The following ELP4 variants were observed in gnomAD, a reference collection of about 807,000 sequenced individuals.
ELP4 encodes elongator acetyltransferase complex subunit 4.
A neutral mutation model predicts 48.9 loss-of-function variants in ELP4; 51 were observed. The observed-to-expected ratio is 1.04, with a 90% CI of 0.83 to 1.32. The LOEUF is 1.32. Ranked by LOEUF, ELP4 falls within the 40% of genes most tolerant of loss-of-function variation. The pLI, the probability that ELP4 is intolerant of heterozygous loss-of-function variation, is 0.00. For synonymous variants in ELP4, 210 were observed against 189.2 expected (o/e 1.11, Z -0.90); for missense variants, 519 against 514.6 (o/e 1.01, Z -0.08).
At chr11:31,690,796 CTTTT>C (rs10653769) in intron 9 of ELP4, among the ~76,000 whole-genome samples, 6 of 109,592 alleles carry the variant, frequency 5.5e-5, no homozygotes, top group East Asian at 2.6e-4. Context: ...GTTTTTTTTC[CTTTT>C]TTTTTTTTTT....
intron 5 of ELP4, among the ~76,000 whole-genome samples, chr11:31,616,581 A>G (rs1944489021): frequency 6.6e-6 from 1 of 152,238 alleles, no homozygotes; most frequent in African/African-American, 2.4e-5. Flanking sequence ...AAATAGGATG[A>G]CATCAAACTT....
chr11:31,614,827 AG>A (rs1958045691), intron 5 of ELP4, among the ~76,000 whole-genome samples: 1 of 152,212 alleles, frequency 6.6e-6, no homozygotes, highest in Admixed American at 6.5e-5. Context: ...AATCCTCAAA[AG>A]TGTCAAGATC....
intron 3 of ELP4, among the ~76,000 whole-genome samples, chr11:31,555,926 A>G (rs914640223): frequency 6.6e-6 from 1 of 151,864 alleles, no homozygotes; most frequent in African/African-American, 2.4e-5. Flanking sequence ...TAGGGGGAAA[A>G]TGCTGTAATT....
At chr11:31,587,486 C>G (rs181344650) in intron 3 of ELP4, among the ~76,000 whole-genome samples, 9 of 152,210 alleles carry the variant, frequency 5.9e-5, no homozygotes, top group South Asian at 2.1e-4. Context: ...TAAAAAGGAG[C>G]ATACTAATGC....
chr11:31,534,657 G>A (rs1956469825), intron 2 of ELP4, among the ~76,000 whole-genome samples: 1 of 152,098 alleles, frequency 6.6e-6, no homozygotes, highest in South Asian at 2.1e-4. Context: ...AGGAAATAGA[G>A]CAAACTTTAA....
chr11:31,577,490 A>G (rs1957306581), intron 3 of ELP4, among the ~76,000 whole-genome samples: 1 of 151,918 alleles, frequency 6.6e-6, no homozygotes, highest in East Asian at 1.9e-4. Context: ...AACAACAACA[A>G]AAAAAGATAA....
At position 31,788,330 on chromosome 11, in the gene ELP4, T is replaced by A. The variant is rs189545730; in HGVS notation, c.*4806T>A. The A allele has an allele frequency of 1.6e-4, 36 of 224,822 alleles. No individual in the cohort carries two copies. The East Asian group carries it at 2.3e-3, about 14-fold the overall frequency. 13.9% of individuals were successfully genotyped at this position (224,822 alleles called of 1,614,324 possible). A position where few individuals can be genotyped will look rare whatever the true frequency, so the allele number is the denominator to read the frequency against. On this transcript the variant is annotated 3_prime_UTR_variant, in exon 10 of 10. Transcript: ENST00000640961. ...TTGTCTGTTGATGTGTCTGTGCTCATTATTCCTTGACATGCAACATCCCCC... is the reference window on the plus strand; with the variant it reads ...TTGTCTGTTGATGTGTCTGTGCTCAATATTCCTTGACATGCAACATCCCCC...
At chr11:31,592,496 G>A (rs1380222007) in intron 3 of ELP4, among the ~76,000 whole-genome samples, 2 of 149,102 alleles carry the variant, frequency 1.3e-5, no homozygotes, top group African/African-American at 4.9e-5. Flanking sequence ...ATATATATGT[G>A]TGTATATATG....
In ELP4 at chr11:31,650,095, T is replaced by A. The variant is rs767885358; in HGVS notation, c.1037-20T>A. On this transcript the variant is annotated intron_variant, in intron 8 of 9. Coordinates refer to ENST00000640961, the MANE Select transcript of ELP4 (RefSeq NM_019040.5). ...TGACAATGTTTTAAATTTTTTTTCT[T>A]TTAATTTCTTTTCCACAAGGATTGA... is the stretch of plus-strand genomic sequence containing the variant. 4 of 1,059,676 alleles carry A rather than the reference T, an allele frequency of 3.8e-6. No homozygotes were observed. The highest frequency in any genetic ancestry group is 1.6e-5 in the African/African-American group (1 of 62,880). 65.6% of individuals were successfully genotyped at this position (1,059,676 alleles called of 1,614,324 possible).
rs1056295743 is a variant in ELP4, at chr11:31,550,825, T to C, written c.381+11042T>C. Among the ~76,000 whole-genome samples, 7 of 152,288 alleles carry C rather than the reference T, an allele frequency of 4.6e-5. No homozygotes were observed. In the East Asian group the frequency reaches 1.4e-3, roughly 29 times the overall value. ...AGTCATAATAAGCAGATGTTGTTCTTTGGCCCTCCAGAAGGTCAACAAACA... is the reference window on the plus strand; with the variant it reads ...AGTCATAATAAGCAGATGTTGTTCTCTGGCCCTCCAGAAGGTCAACAAACA... On this transcript the variant is annotated intron_variant, in intron 3 of 9. Coordinates refer to ENST00000640961, the MANE Select transcript of ELP4 (RefSeq NM_019040.5).
At position 31,571,975 on chromosome 11, in the gene ELP4, G is replaced by A. The variant is rs566212082; in HGVS notation, c.382-22795G>A. Among the ~76,000 whole-genome samples, 8 of 152,312 alleles carry A rather than the reference G, an allele frequency of 5.3e-5. No individual in the cohort carries two copies. In the South Asian group the frequency reaches 1.2e-3, roughly 24 times the overall value. On this transcript the variant is annotated intron_variant, in intron 3 of 9. Coordinates refer to ENST00000640961, the MANE Select transcript of ELP4 (RefSeq NM_019040.5). ...CCTAGGATTTTGGAATGATAAGTGAGTATTGGCTTCAACTTACAGTCATCA... is the reference window on the plus strand; with the variant it reads ...CCTAGGATTTTGGAATGATAAGTGAATATTGGCTTCAACTTACAGTCATCA...
At chr11:31,643,222 G>A (rs1238116105) in intron 7 of ELP4, among the ~76,000 whole-genome samples, 2 of 151,488 alleles carry the variant, frequency 1.3e-5, no homozygotes, top group African/African-American at 2.4e-5. Context: ...TAGTGCTTTC[G>A]GGCTATTATA....
intron 9 of ELP4, chr11:31,663,803 A>T (rs1028356560): frequency 6.6e-6 from 1 of 152,040 alleles, no homozygotes; most frequent in East Asian, 1.9e-4. Flanking sequence ...AAGCTATAGG[A>T]TGCTGTAGTT....
intron 3 of ELP4, among the ~76,000 whole-genome samples, chr11:31,563,999 GC>G (rs1036470480): frequency 3.3e-5 from 5 of 152,074 alleles, no homozygotes; most frequent in African/African-American, 1.2e-4. Flanking sequence ...TTGAAATAGA[GC>G]TTTTATCAAA....
At chr11:31,596,557 A>G (rs934619780) in intron 4 of ELP4, among the ~76,000 whole-genome samples, 1 of 152,172 alleles carries the variant, frequency 6.6e-6, no homozygotes, top group African/African-American at 2.4e-5. Flanking sequence ...CTTTTAATCA[A>G]TAATAATGAT....
intron 8 of ELP4, chr11:31,649,739 A>G (rs1252537852): frequency 6.1e-6 from 1 of 162,852 alleles, no homozygotes; most frequent in African/African-American, 2.4e-5. Flanking sequence ...GGTGCATTTA[A>G]TAAAATAAAG....
intron 9 of ELP4, among the ~76,000 whole-genome samples, chr11:31,690,697 C>A (rs908964666): frequency 4.6e-5 from 7 of 151,502 alleles, no homozygotes; most frequent in African/African-American, 1.7e-4. Flanking sequence ...TTGCCTCTGG[C>A]CAAAAACAAT....
intron 3 of ELP4, among the ~76,000 whole-genome samples, chr11:31,553,168 C>T (rs972864792): frequency 5.9e-5 from 9 of 152,192 alleles, no homozygotes; most frequent in Admixed American, 1.3e-4. Context: ...GTGTTTCTTC[C>T]GTACAAGTCT....
intron 9 of ELP4, among the ~76,000 whole-genome samples, chr11:31,714,455 A>G (rs934570592): frequency 4.6e-5 from 7 of 152,210 alleles, no homozygotes; most frequent in Non-Finnish European, 7.3e-5. Flanking sequence ...ATCAAGAGAA[A>G]TATCACTGTT....
Sources: gnomAD v4.1 joint callset for allele counts (sites outside exome capture counted in the v4.1 genomes callset) on GRCh38, gnomAD v4.1.1 for gene constraint, MANE v1.5 for transcripts, NCBI Gene and HGNC (gene_info 2026-07-23, HGNC 2026-07-21) for gene names.